Variants in ABL1 observed in about 807,000 individuals in gnomAD.
The protein encoded by ABL1 is tyrosine-protein kinase ABL1.
Under a neutral mutation model 94.7 loss-of-function variants are expected in ABL1, and 11 were observed. That is an observed-to-expected ratio of 0.12 (90% CI 0.07 to 0.19). The LOEUF (loss-of-function observed/expected upper bound fraction) is 0.19. ABL1 is among the 10% of genes least tolerant of loss of function. The pLI is 1.00. For missense variants in ABL1, 1,082 were observed against 1,489.4 expected, an observed-to-expected ratio of 0.73 and a Z score of 4.50; for synonymous variants, 656 against 622.4, an observed-to-expected ratio of 1.05 and a Z score of -0.80.
chr9:130,854,167 T>C lies in ABL1; in HGVS notation c.183T>C (p.Asn61=), dbSNP rs773005950. 73 of 1,614,068 alleles carry C rather than the reference T, an allele frequency of 4.5e-5. No individual in the cohort carries two copies. Among genetic ancestry groups the C allele is most frequent in the Non-Finnish European group, 6.1e-5 (72 of 1,180,038 alleles). ...KENLLAGPSE[N]DPNLFVALYD... is the part of the protein sequence containing the mutation. ...ACCTTCTCGCTGGACCCAGTGAAAA[T>C]GACCCCAACCTTTTCGTTGCACTGT... Residue 61 remains asparagine (N), a synonymous_variant, in exon 2 of 11, where the codon AAT becomes AAC. Transcript: ENST00000318560.
intron 1 of ABL1, among the ~76,000 whole-genome samples, chr9:130,799,227 G>A (rs1588243155): frequency 6.6e-6 from 1 of 152,198 alleles, no homozygotes; most frequent in South Asian, 2.1e-4. Flanking sequence ...ACCCATCGGA[G>A]ATGCTCCATA....
intron 1 of ABL1, among the ~76,000 whole-genome samples, chr9:130,737,082 C>T (rs1392226896): frequency 6.6e-6 from 1 of 151,860 alleles, no homozygotes; most frequent in Non-Finnish European, 1.5e-5. Flanking sequence ...GGGGAGAGGC[C>T]TAAGTATCAG....
At chr9:130,714,547 T>C (rs565772516) in intron 1 of ABL1, 12 of 1,486,192 alleles carry the variant, frequency 8.1e-6, no homozygotes, top group Non-Finnish European at 1.0e-5. Flanking sequence ...TTGCGACAGT[T>C]CCTTCCAATT....
In ABL1 at chr9:130,754,507, CAA is replaced by C. The variant is rs34396002; in HGVS notation, c.136+40074_136+40075del. Among the ~76,000 whole-genome samples, 429 of 78,804 alleles carry C rather than the reference CAA, an allele frequency of 5.4e-3. 3 individuals are homozygous for C. Among genetic ancestry groups the C allele is most frequent in the African/African-American group, 0.018 (357 of 19,994 alleles). The allele number at this position is 78,804 out of a possible 152,430, so 51.7% of individuals were successfully genotyped here. On this transcript the variant is annotated intron_variant, in intron 1 of 10. Coordinates refer to the ABL1 transcript ENST00000372348. ...TGGGCGACAGAGCGAGACTCCGTCT[CAA>C]AAAAAAAAAAAAAAAAAAAAATTTA...
At chr9:130,787,667 G>A (rs1829848904) in intron 1 of ABL1, among the ~76,000 whole-genome samples, 1 of 152,164 alleles carries the variant, frequency 6.6e-6, no homozygotes, top group Non-Finnish European at 1.5e-5. Context: ...GCTCCCAGTC[G>A]TCGTCACGAG....
chr9:130,794,761 A>G (rs1829953158), intron 1 of ABL1, among the ~76,000 whole-genome samples: 1 of 152,158 alleles, frequency 6.6e-6, no homozygotes, highest in African/African-American at 2.4e-5. Context: ...GCTCTTTCTT[A>G]TGCTTTTGTT....
chr9:130,837,567 C>A (rs1266116812), intron 1 of ABL1, among the ~76,000 whole-genome samples: 3 of 151,154 alleles, frequency 2.0e-5, no homozygotes, highest in Non-Finnish European at 2.9e-5. Context: ...AAAAAAAGTT[C>A]TAGTACAGCA....
At chr9:130,723,555 AAAAC>A (rs1009816657) in intron 1 of ABL1, among the ~76,000 whole-genome samples, 10 of 152,186 alleles carry the variant, frequency 6.6e-5, no homozygotes, top group Non-Finnish European at 4.4e-5. Context: ...TTAAAAGTAA[AAAAC>A]AAACAAACAA....
chr9:130,871,793 G>A (rs539863825), intron 4 of ABL1, among the ~76,000 whole-genome samples: 4 of 152,342 alleles, frequency 2.6e-5, no homozygotes, highest in East Asian at 3.9e-4. Context: ...GTGTTTGCCC[G>A]TATAGCTCTC....
chr9:130,804,634 T>C (rs1380175242), intron 1 of ABL1, among the ~76,000 whole-genome samples: 2 of 152,186 alleles, frequency 1.3e-5, no homozygotes, highest in East Asian at 1.9e-4. Flanking sequence ...ATGTCTTTTA[T>C]TACAATTTCT....
chr9:130,721,633 C>T (rs1413955498), intron 1 of ABL1, among the ~76,000 whole-genome samples: 1 of 152,048 alleles, frequency 6.6e-6, no homozygotes, highest in Non-Finnish European at 1.5e-5. Context: ...TCACCTGCGC[C>T]TGGGAAGCCA....
chr9:130,823,191 G>C (rs2132880527), intron 1 of ABL1, among the ~76,000 whole-genome samples: 1 of 152,300 alleles, frequency 6.6e-6, no homozygotes, highest in Admixed American at 6.5e-5. Context: ...ATAGTTAATA[G>C]TAATCATAAT....
At chr9:130,734,846 G>T (rs1831714498) in intron 1 of ABL1, among the ~76,000 whole-genome samples, 1 of 151,936 alleles carries the variant, frequency 6.6e-6, no homozygotes, top group Non-Finnish European at 1.5e-5. Context: ...TTACCCTTTG[G>T]TAGTTGAGTG....
At chr9:130,804,609 A>G (rs1830102090) in intron 1 of ABL1, among the ~76,000 whole-genome samples, 1 of 152,158 alleles carries the variant, frequency 6.6e-6, no homozygotes. Flanking sequence ...CATGAGACTA[A>G]ATCATTTTAA....
intron 1 of ABL1, among the ~76,000 whole-genome samples, chr9:130,852,945 A>G (rs906928735): frequency 1.3e-5 from 2 of 152,084 alleles, no homozygotes; most frequent in African/African-American, 2.4e-5. Flanking sequence ...GGGTGTGTTA[A>G]TAGCCTTGTC....
intron 1 of ABL1, 128 bp from the exon 2 acceptor site, chr9:130,853,936 G>A (rs1478270641): frequency 1.0e-6 from 1 of 957,538 alleles, no homozygotes; most frequent in Non-Finnish European, 1.5e-6. Context: ...ATGTACAGAT[G>A]TTAAGAAATG....
rs554091776 is a variant in ABL1 at position 130,835,668 on chromosome 9, TC to T, written c.79+144del. The T allele has an allele frequency of 3.5e-6, 2 of 572,000 alleles. No homozygotes were observed. The highest frequency in any genetic ancestry group is 3.9e-5 in the African/African-American group (2 of 50,832). 35.4% of individuals were successfully genotyped at this position (572,000 alleles called of 1,614,324 possible). Reference sequence around the variant, plus strand: ...TTTTTTTCTTTCTTCCCTCTTCTCTTCTCTTCTCTTCAGTTCTCTTATATTC... The same window carrying T: ...TTTTTTTCTTTCTTCCCTCTTCTCTTTCTTCTCTTCAGTTCTCTTATATTC... On this transcript the variant is annotated intron_variant, in intron 1 of 10. Transcript: ENST00000318560. The surrounding 1 kb of genome is among the most constrained non-coding windows in gnomAD (Gnocchi z 4.6).
intron 4 of ABL1, among the ~76,000 whole-genome samples, chr9:130,868,759 A>G (rs1831201899): frequency 6.6e-6 from 1 of 151,936 alleles, no homozygotes; most frequent in Non-Finnish European, 1.5e-5. Context: ...GCCTCAAGTT[A>G]TCTGCCTGTC....
At chr9:130,756,061 T>G (rs1318791804) in intron 1 of ABL1, among the ~76,000 whole-genome samples, 2 of 152,200 alleles carry the variant, frequency 1.3e-5, no homozygotes, top group Non-Finnish European at 2.9e-5. Flanking sequence ...CCACTTAGTA[T>G]TATTTCAAAG....
Sources: gnomAD v4.1 joint callset for allele counts (sites outside exome capture counted in the v4.1 genomes callset) on GRCh38, gnomAD v4.1.1 for gene constraint, Gnocchi (gnomAD v3.1) non-coding constraint, MANE v1.5 for transcripts, NCBI Gene and HGNC (gene_info 2026-07-23, HGNC 2026-07-21) for gene names.